Variants in SLC25A20 observed in about 807,000 individuals in gnomAD.
SLC25A20 encodes the protein mitochondrial carnitine/acylcarnitine carrier protein.
Under a neutral mutation model 39.7 loss-of-function variants are expected in SLC25A20, and 29 were observed. That is an observed-to-expected ratio of 0.73 (90% CI 0.54 to 1.00). The LOEUF (loss-of-function observed/expected upper bound fraction) is 1.00. Ranked by LOEUF, SLC25A20 falls within the 50% of genes least tolerant of loss-of-function variation. The probability of loss-of-function intolerance (pLI) is 0.00; values close to 1 mark genes in which losing one functional copy is unlikely to be tolerated. For synonymous variants in SLC25A20, 103 were observed against 142.2 expected (o/e 0.72, Z 1.96); for missense variants, 333 against 379.9 (o/e 0.88, Z 1.03).
chr3:48,893,672 C>T (rs1257435580), intron 1 of SLC25A20, among the ~76,000 whole-genome samples: 1 of 151,732 alleles, frequency 6.6e-6, no homozygotes, highest in Non-Finnish European at 1.5e-5. Context: ...TAGCTGGGAC[C>T]TCAGGTGCAT....
chr3:48,895,021 A>T (rs982386746), intron 1 of SLC25A20, among the ~76,000 whole-genome samples: 8 of 88,220 alleles, frequency 9.1e-5, no homozygotes, highest in Non-Finnish European at 1.2e-4. Context: ...TTATTTATTT[A>T]TTTTTTGAGA....
chr3:48,879,332 T>G, intron 4 of SLC25A20, 26 bp downstream of exon 4: 1 of 1,502,812 alleles, frequency 6.7e-7, no homozygotes, highest in Non-Finnish European at 9.3e-7. Flanking sequence ...AGGAAAAAGC[T>G]ATTTCCCCTC....
chr3:48,859,128 T>C lies in SLC25A20; in HGVS notation c.682A>G (p.Ile228Val), dbSNP rs752670118. ...IAGIFNWAVA[I>V]PPDVLKSRFQ... ...CGAGACTTGAGCACATCTGGGGGGA[T>C]TGCCACAGCCCAGTTGAAGATCCCT... Residue 228 changes from isoleucine (I) to valine (V), a missense_variant, in exon 7 of 9, where the codon ATC becomes GTC. Coordinates refer to ENST00000319017, the MANE Select transcript of SLC25A20 (RefSeq NM_000387.6). 1.2e-6 allele frequency: 2 copies of C among 1,613,970 alleles called. No individual in the cohort carries two copies. Among genetic ancestry groups the C allele is most frequent in the South Asian group, 1.1e-5 (1 of 91,060 alleles).
At chr3:48,883,694 C>T (rs1168307996) in intron 3 of SLC25A20, among the ~76,000 whole-genome samples, 2 of 140,462 alleles carry the variant, frequency 1.4e-5, no homozygotes, top group African/African-American at 5.3e-5. Flanking sequence ...CATCTCGGCT[C>T]ACTGCAACCT....
chr3:48,898,771 G>A lies in SLC25A20; in HGVS notation c.24C>T (p.Ile8=). 6.3e-7 allele frequency: 1 copy of A among 1,596,970 alleles called. No homozygotes were observed. Among genetic ancestry groups the A allele is most frequent in the Non-Finnish European group, 8.5e-7 (1 of 1,172,172 alleles). Reference sequence around the variant, plus strand: ...CGGCCAGCAGGTTCTTGAGCGGGCTGATGGGTTTTGGCTGGTCGGCCATGG... The same window carrying A: ...CGGCCAGCAGGTTCTTGAGCGGGCTAATGGGTTTTGGCTGGTCGGCCATGG... The part of the protein sequence containing the change: MADQPKP[I]SPLKNLLAGG... The change falls in exon 1 of 9, where the codon ATC becomes ATT. Residue 8 remains isoleucine, a synonymous_variant. Transcript: ENST00000319017.
In SLC25A20 at chr3:48,898,802, C is replaced by G. The variant is rs1401813423; in HGVS notation, c.-8G>C. ...TTTTGGCTGGTCGGCCATGGTCAGT[C>G]CGTCTGTCACTCCGTCTGTCAGTTC... On this transcript the variant is annotated 5_prime_UTR_variant, in exon 1 of 9. Transcript: ENST00000319017. 6.4e-7 allele frequency: 1 copy of G among 1,557,738 alleles called. No individual in the cohort carries two copies. The highest frequency in any genetic ancestry group is 8.7e-7 in the Non-Finnish European group (1 of 1,150,850).
At chr3:48,881,098 G>A (rs1236339786) in intron 3 of SLC25A20, among the ~76,000 whole-genome samples, 1 of 152,108 alleles carries the variant, frequency 6.6e-6, no homozygotes, top group Non-Finnish European at 1.5e-5. Context: ...TGGGGCTAGA[G>A]GGACATCCAC....
chr3:48,858,477 A>G (rs745692634), intron 8 of SLC25A20, 30 bp downstream of exon 8: 1 of 1,614,032 alleles, frequency 6.2e-7, no homozygotes, highest in South Asian at 1.1e-5. Flanking sequence ...TGAGCCCCAG[A>G]GGGAAAGCAC....
intron 3 of SLC25A20, among the ~76,000 whole-genome samples, chr3:48,881,923 A>G (rs1404130634): frequency 6.6e-6 from 1 of 152,224 alleles, no homozygotes; most frequent in Non-Finnish European, 1.5e-5. Context: ...AGAGAGTCAT[A>G]AGGATCCCAG....
chr3:48,896,895 G>A (rs1021893895), intron 1 of SLC25A20, among the ~76,000 whole-genome samples: 2 of 151,768 alleles, frequency 1.3e-5, no homozygotes, highest in Admixed American at 6.6e-5. Flanking sequence ...CCATCAGACT[G>A]TCTGGGTCTC....
chr3:48,866,318 C>T (rs1407067019), intron 4 of SLC25A20, among the ~76,000 whole-genome samples: 1 of 151,978 alleles, frequency 6.6e-6, no homozygotes, highest in African/African-American at 2.4e-5. Context: ...CTTTGGGAGG[C>T]CAAGGTGGGT....
chr3:48,888,640 C>T (rs1168435271), intron 2 of SLC25A20, among the ~76,000 whole-genome samples: 2 of 151,936 alleles, frequency 1.3e-5, no homozygotes, highest in Non-Finnish European at 1.5e-5. Flanking sequence ...TCCTTCTGCA[C>T]CCAAGTCCTA....
chr3:48,896,391 T>C (rs1420219737), intron 1 of SLC25A20, among the ~76,000 whole-genome samples: 3 of 152,054 alleles, frequency 2.0e-5, no homozygotes, highest in Non-Finnish European at 4.4e-5. Context: ...GCTGCCTTTT[T>C]GTGATTTTAT....
chr3:48,895,305 G>A (rs1179980865), intron 1 of SLC25A20, among the ~76,000 whole-genome samples: 14 of 152,176 alleles, frequency 9.2e-5, no homozygotes. Flanking sequence ...ACCATGCCTG[G>A]CCTAATTTTG....
chr3:48,884,155 T>C (rs756319903), intron 2 of SLC25A20, 31 bp from the exon 3 acceptor site: 1 of 1,612,330 alleles, frequency 6.2e-7, no homozygotes, highest in South Asian at 1.1e-5. Flanking sequence ...AGAAGCTGTT[T>C]ACAGACACCA....
At chr3:48,875,247 C>T (rs372701878) in intron 4 of SLC25A20, among the ~76,000 whole-genome samples, 16 of 151,190 alleles carry the variant, frequency 1.1e-4, no homozygotes, top group Non-Finnish European at 1.6e-4. Flanking sequence ...GGATTACAGA[C>T]GCCTGCTACC....
chr3:48,898,295 T>C (rs2083924353), intron 1 of SLC25A20, among the ~76,000 whole-genome samples: 1 of 152,252 alleles, frequency 6.6e-6, no homozygotes, highest in Non-Finnish European at 1.5e-5. Flanking sequence ...CGTACCGCTC[T>C]GTCTTTAGTT....
intron 8 of SLC25A20, among the ~76,000 whole-genome samples, chr3:48,858,198 C>T (rs1473288778): frequency 6.6e-6 from 1 of 151,914 alleles, no homozygotes; most frequent in Non-Finnish European, 1.5e-5. Context: ...AAACTCCTGA[C>T]CTCAGATGAT....
Position 48,883,979 on chromosome 3 carries a change from T to C in SLC25A20, c.326+18A>G. On this transcript the variant is annotated intron_variant, in intron 3 of 8. Transcript: ENST00000319017. ...TACCAGGCAGAACAGCAAGTGCTCCTGACCTGTAAGTACTCACCTGAGCAC... is the reference window on the plus strand; with the variant it reads ...TACCAGGCAGAACAGCAAGTGCTCCCGACCTGTAAGTACTCACCTGAGCAC... The C allele has an allele frequency of 1.2e-6, 2 of 1,612,612 alleles. No individual in the cohort carries two copies. The highest frequency in any genetic ancestry group is 1.7e-6 in the Non-Finnish European group (2 of 1,179,108).
Sources: allele counts gnomAD v4.1 joint callset (sites outside exome capture counted in the v4.1 genomes callset), GRCh38; gene constraint gnomAD v4.1.1; transcripts MANE v1.5; gene names NCBI Gene and HGNC (gene_info 2026-07-23, HGNC 2026-07-21).